Variants in TM9SF4 observed in about 807,000 individuals in gnomAD.
TM9SF4 encodes dinucleotide oxidase disulfide thiol exchanger 3 superfamily member 4.
Under a neutral mutation model 90.4 loss-of-function variants are expected in TM9SF4, and 26 were observed. The ratio of observed to expected loss-of-function variants is 0.29; its 90% CI spans 0.21 to 0.40. TM9SF4 has a LOEUF of 0.40. Ranked by LOEUF, TM9SF4 falls within the 10% of genes least tolerant of loss-of-function variation. TM9SF4 has a pLI of 1.00. For missense variants in TM9SF4, 549 were observed against 834.8 expected (o/e 0.66, Z 4.22); for synonymous variants, 293 against 315.4 (o/e 0.93, Z 0.75).
At chr20:32,119,794 A>G (rs187419728) in intron 1 of TM9SF4, among the ~76,000 whole-genome samples, 67 of 151,890 alleles carry the variant, frequency 4.4e-4, no homozygotes, top group African/African-American at 1.4e-3. Context: ...GAGGTTTTTG[A>G]GTTTTAGCTT....
At chr20:32,114,479 C>G (rs1385981865) in intron 1 of TM9SF4, among the ~76,000 whole-genome samples, 1 of 152,152 alleles carries the variant, frequency 6.6e-6, no homozygotes, top group Non-Finnish European at 1.5e-5. Context: ...TACAGGCACG[C>G]ACCACATCCA....
At chr20:32,160,317 TTAG>T (rs2046996834) in intron 16 of TM9SF4, among the ~76,000 whole-genome samples, 1 of 152,200 alleles carries the variant, frequency 6.6e-6, no homozygotes, top group African/African-American at 2.4e-5. Context: ...ACCTTCCAGC[TTAG>T]TTGTGTGGGG....
chr20:32,159,769 C>T (rs1600344997), intron 15 of TM9SF4: 2 of 575,984 alleles, frequency 3.5e-6, no homozygotes, highest in Non-Finnish European at 3.1e-6. Flanking sequence ...TGAGTTCAGG[C>T]TGGGGTCTAC....
chr20:32,129,435 A>G (rs964686604), intron 1 of TM9SF4, among the ~76,000 whole-genome samples: 3 of 152,062 alleles, frequency 2.0e-5, no homozygotes, highest in Non-Finnish European at 4.4e-5. Flanking sequence ...TGAGGCTGCA[A>G]TGAACTGTGA....
intron 1 of TM9SF4, among the ~76,000 whole-genome samples, chr20:32,122,208 G>A (rs1261211520): frequency 3.0e-5 from 4 of 132,560 alleles, no homozygotes; most frequent in Non-Finnish European, 6.4e-5. Context: ...GCCGGGGGCT[G>A]ATGCCCCCAC....
Position 32,150,631 on chromosome 20 carries a change from T to C in TM9SF4, c.1097T>C (p.Met366Thr), listed in dbSNP as rs1422158931. The change falls in exon 11 of 18, where the codon ATG (methionine) becomes ACG (threonine). Residue 366 changes from methionine (M) to threonine (T), a missense_variant. Physicochemically the swap from Met to Thr is moderately conservative, Grantham distance 81. Transcript: ENST00000398022. ...CTCCCTCCCTCCACAGTTGTAGCCA[T>C]GCTTGGGATGCTGTCGCCCTCCAGC... ...CMILIVIFVA[M>T]LGMLSPSSRG... The C allele has an allele frequency of 3.1e-6, 5 of 1,614,112 alleles. No individual in the cohort carries two copies. The highest frequency in any genetic ancestry group is 2.2e-5 in the East Asian group (1 of 44,892).
chr20:32,137,729 A>C (rs947891926), intron 3 of TM9SF4, among the ~76,000 whole-genome samples: 2 of 152,176 alleles, frequency 1.3e-5, no homozygotes, highest in African/African-American at 2.4e-5. Context: ...CATCATCCTC[A>C]TCATCATCAT....
At chr20:32,122,248 C>T (rs1422749792) in intron 1 of TM9SF4, among the ~76,000 whole-genome samples, 2 of 78,674 alleles carry the variant, frequency 2.5e-5, no homozygotes, top group East Asian at 8.8e-4. Context: ...GCTGGCCTGG[C>T]GGGGGGCTGA....
intron 17 of TM9SF4, among the ~76,000 whole-genome samples, chr20:32,163,934 C>T (rs1185511529): frequency 1.3e-5 from 2 of 151,974 alleles, no homozygotes; most frequent in Non-Finnish European, 2.9e-5. Context: ...GATTGATGGC[C>T]CCAACAGGAC....
chr20:32,163,344 G>A (rs2047054962), intron 17 of TM9SF4, among the ~76,000 whole-genome samples: 1 of 143,588 alleles, frequency 7.0e-6, no homozygotes, highest in Non-Finnish European at 1.5e-5. Flanking sequence ...CTGTGCCCAC[G>A]CCTTAGCCCT....
chr20:32,128,905 G>T (rs1201287083), intron 1 of TM9SF4, among the ~76,000 whole-genome samples: 1 of 151,694 alleles, frequency 6.6e-6, no homozygotes, highest in African/African-American at 2.4e-5. Flanking sequence ...TGCTGGAAAG[G>T]CACTGGGGCC....
At chr20:32,125,590 T>C (rs2046407103) in intron 1 of TM9SF4, among the ~76,000 whole-genome samples, 1 of 152,186 alleles carries the variant, frequency 6.6e-6, no homozygotes, top group Admixed American at 6.5e-5. Context: ...TGCTCAAGTT[T>C]CACCACTGCA....
intron 14 of TM9SF4, 133 bp from the exon 15 acceptor site, chr20:32,158,318 T>C: frequency 1.1e-6 from 1 of 913,732 alleles, no homozygotes; most frequent in African/African-American, 1.6e-5. Context: ...ATTATAATAG[T>C]ACAGAAATAT....
rs1450815689 is a variant in TM9SF4, at chr20:32,152,116, C to T, written c.1245+1241C>T. Among the ~76,000 whole-genome samples, 13 of 151,882 alleles carry T rather than the reference C, an allele frequency of 8.6e-5. No individual in the cohort carries two copies. The South Asian group carries it at 1.7e-3, about 20-fold the overall frequency. Reference sequence around the variant, plus strand: ...CGATCTCCTGACCTCATGATCCGCCCGCCTCGGCCTCCCAAAGTGCTGGGA... The same window carrying T: ...CGATCTCCTGACCTCATGATCCGCCTGCCTCGGCCTCCCAAAGTGCTGGGA... On this transcript the variant is annotated intron_variant, in intron 12 of 17. Coordinates refer to ENST00000398022, the MANE Select transcript of TM9SF4 (RefSeq NM_014742.4).
intron 12 of TM9SF4, among the ~76,000 whole-genome samples, chr20:32,151,400 T>C (rs147444810): frequency 1.8e-4 from 27 of 151,782 alleles, no homozygotes; most frequent in African/African-American, 6.5e-4. Context: ...GGTCTCGAGA[T>C]TGACCTCACC....
At chr20:32,134,258 C>A (rs2046563141) in intron 2 of TM9SF4, among the ~76,000 whole-genome samples, 1 of 152,054 alleles carries the variant, frequency 6.6e-6, no homozygotes, top group Admixed American at 6.6e-5. Flanking sequence ...GGGTGGACGC[C>A]TTGGGTGGGA....
intron 1 of TM9SF4, among the ~76,000 whole-genome samples, chr20:32,125,661 A>G (rs2046408379): frequency 1.4e-5 from 2 of 148,136 alleles, no homozygotes; most frequent in Non-Finnish European, 3.0e-5. Context: ...CCAAGAATTT[A>G]TAAGTGATTT....
chr20:32,142,933 G>C (rs2046701371), intron 5 of TM9SF4, 49 bp from the exon 6 acceptor site: 1 of 1,604,726 alleles, frequency 6.2e-7, no homozygotes, highest in Admixed American at 1.7e-5. Flanking sequence ...TACCTGGAGA[G>C]TATCCCTAAG....
At position 32,167,154 on chromosome 20, in the gene TM9SF4, A is replaced by AT. The variant is rs2047109639; in HGVS notation, c.*1715dup. On this transcript the variant is annotated 3_prime_UTR_variant, in exon 18 of 18. Transcript: ENST00000398022. ...CTCATAAAGGGTTCAAAGATCATCA[A>AT]TTTTTCTGACTTTTTAAATCATTAT... 1 of 151,854 alleles carries AT rather than the reference A, an allele frequency of 6.6e-6. No individual in the cohort carries two copies. The highest frequency in any genetic ancestry group is 2.1e-4 in the South Asian group (1 of 4,810). 9.4% of individuals were successfully genotyped at this position (151,854 alleles called of 1,614,324 possible). A position where few individuals can be genotyped will look rare whatever the true frequency, so the allele number is the denominator to read the frequency against.
Sources: gnomAD v4.1 joint callset for allele counts (sites outside exome capture counted in the v4.1 genomes callset) on GRCh38, gnomAD v4.1.1 for gene constraint, MANE v1.5 for transcripts, NCBI Gene and HGNC (gene_info 2026-07-23, HGNC 2026-07-21) for gene names.